Variants in MAP3K5 observed in about 807,000 individuals in gnomAD.
MAP3K5 encodes ASK-1.
A neutral mutation model predicts 158.7 loss-of-function variants in MAP3K5; 56 were observed. The observed-to-expected ratio is 0.35, with a 90% CI of 0.28 to 0.44. MAP3K5 has a LOEUF of 0.44. Ranked by LOEUF, MAP3K5 falls within the 20% of genes least tolerant of loss-of-function variation. The probability of loss-of-function intolerance (pLI) is 1.00; values close to 1 mark genes in which losing one functional copy is unlikely to be tolerated. For missense variants in MAP3K5, 1,294 were observed against 1,674.8 expected, an observed-to-expected ratio of 0.77 and a Z score of 3.97; for synonymous variants, 579 against 601.7, an observed-to-expected ratio of 0.96 and a Z score of 0.55.
intron 25 of MAP3K5, 46 bp downstream of exon 25, chr6:136,580,255 A>C: frequency 7.9e-7 from 1 of 1,259,476 alleles, no homozygotes; most frequent in Non-Finnish European, 1.2e-6. Flanking sequence ...AGTAATCTAA[A>C]ATATCCAAGC....
intron 18 of MAP3K5, among the ~76,000 whole-genome samples, chr6:136,606,471 C>T (rs1365170078): frequency 6.6e-6 from 1 of 152,136 alleles, no homozygotes; most frequent in Non-Finnish European, 1.5e-5. Context: ...GCCACGAGCC[C>T]TTAGTCTGCT....
intron 12 of MAP3K5, 109 bp from the exon 13 acceptor site, chr6:136,639,747 T>G: frequency 1.7e-6 from 1 of 605,278 alleles, no homozygotes; most frequent in Non-Finnish European, 2.9e-6. Context: ...TCAATGTTGT[T>G]TATAACAAGA....
chr6:136,689,273 C>T (rs1370176410), intron 7 of MAP3K5, among the ~76,000 whole-genome samples: 1 of 152,136 alleles, frequency 6.6e-6, no homozygotes, highest in African/African-American at 2.4e-5. Context: ...GTACTCCAGC[C>T]TAGACAACAG....
At chr6:136,754,044 C>A (rs1381622064) in intron 1 of MAP3K5, among the ~76,000 whole-genome samples, 1 of 149,144 alleles carries the variant, frequency 6.7e-6, no homozygotes, top group Non-Finnish European at 1.5e-5. Context: ...GAGGCTGACA[C>A]AGAGAATCGC....
At chr6:136,732,062 C>G (rs931182621) in intron 1 of MAP3K5, among the ~76,000 whole-genome samples, 3 of 152,092 alleles carry the variant, frequency 2.0e-5, no homozygotes, top group African/African-American at 7.2e-5. Flanking sequence ...TCAGATGAGA[C>G]AGATGGGTTG....
At chr6:136,567,940 A>G in intron 25 of MAP3K5, 66 bp from the exon 26 acceptor site, 1 of 1,525,912 alleles carries the variant, frequency 6.6e-7, no homozygotes, top group South Asian at 1.2e-5. Flanking sequence ...TTCTTAAGAT[A>G]TGAATGCTAC....
Position 136,656,226 on chromosome 6 carries a change from C to A in MAP3K5, c.1680+81G>T, listed in dbSNP as rs184750004. ...GCAGTTTTAAGGCACCAAAAATCAG[C>A]CCCCAAGCACTGATACAATCACAGT... On this transcript the variant is annotated intron_variant, in intron 10 of 29. Coordinates refer to ENST00000359015, the MANE Select transcript of MAP3K5 (RefSeq NM_005923.4). 86 of 1,265,018 alleles carry A rather than the reference C, an allele frequency of 6.8e-5. No homozygotes were observed. In the East Asian group the frequency reaches 1.9e-3, roughly 28 times the overall value. 78.4% of individuals were successfully genotyped at this position (1,265,018 alleles called of 1,614,324 possible).
chr6:136,613,345 A>G lies in MAP3K5; in HGVS notation c.2279-89T>C. On this transcript the variant is annotated intron_variant, in intron 16 of 29. Coordinates refer to ENST00000359015, the MANE Select transcript of MAP3K5 (RefSeq NM_005923.4). This position sits in a 1 kb window ranked among gnomAD's most constrained non-coding sequence, Gnocchi z 4.0. ...TAATGTAACAGTAATTTAAGCTAAC[A>G]GTCATTGGTTCTTCACAGTGGCCCA... 6 of 1,210,358 alleles carry G rather than the reference A, an allele frequency of 5.0e-6. No homozygotes were observed. The highest frequency in any genetic ancestry group is 6.8e-6 in the Non-Finnish European group (6 of 880,964). 75.0% of individuals were successfully genotyped at this position (1,210,358 alleles called of 1,614,324 possible). A position where few individuals can be genotyped will look rare whatever the true frequency, so the allele number is the denominator to read the frequency against.
intron 1 of MAP3K5, among the ~76,000 whole-genome samples, chr6:136,761,981 A>G (rs1783779446): frequency 6.6e-6 from 1 of 152,258 alleles, no homozygotes; most frequent in African/African-American, 2.4e-5. Context: ...AATCCTGCCG[A>G]AAATTAAAAT....
At chr6:136,701,154 C>G (rs181232245) in intron 3 of MAP3K5, among the ~76,000 whole-genome samples, 42 of 152,298 alleles carry the variant, frequency 2.8e-4, no homozygotes, top group Admixed American at 2.6e-3. Flanking sequence ...GACTCTTTCT[C>G]TAGATGGCAT....
intron 2 of MAP3K5, among the ~76,000 whole-genome samples, chr6:136,707,266 G>A (rs1562631806): frequency 2.0e-5 from 3 of 152,190 alleles, no homozygotes; most frequent in Admixed American, 6.5e-5. Context: ...GTGTGTATAC[G>A]CACAATTGCT....
At chr6:136,683,369 T>C (rs575947824) in intron 7 of MAP3K5, among the ~76,000 whole-genome samples, 161 of 152,342 alleles carry the variant, frequency 1.1e-3, no homozygotes, top group African/African-American at 3.4e-3. Flanking sequence ...TCGACACTGG[T>C]GCAGCTAATC....
intron 3 of MAP3K5, among the ~76,000 whole-genome samples, chr6:136,702,682 T>C (rs1475886792): frequency 6.6e-6 from 1 of 152,174 alleles, no homozygotes; most frequent in Non-Finnish European, 1.5e-5. Context: ...TCTAGTCTTG[T>C]TCTAATTCAT....
chr6:136,601,137 C>A, intron 20 of MAP3K5, 95 bp from the exon 21 acceptor site: 1 of 1,158,660 alleles, frequency 8.6e-7, no homozygotes, highest in South Asian at 1.3e-5. Context: ...GAAATGGGGT[C>A]AATGTCCTTT....
chr6:136,579,055 T>C (rs1409886667), intron 25 of MAP3K5, among the ~76,000 whole-genome samples: 1 of 152,000 alleles, frequency 6.6e-6, no homozygotes, highest in Admixed American at 6.6e-5. Context: ...ATATTGATCT[T>C]ATCCTTTTAA....
chr6:136,559,682 C>G (rs1178812295), intron 28 of MAP3K5, among the ~76,000 whole-genome samples: 1 of 152,042 alleles, frequency 6.6e-6, no homozygotes, highest in South Asian at 2.1e-4. Context: ...TAAACTGCAC[C>G]TTTATATTTT....
intron 3 of MAP3K5, among the ~76,000 whole-genome samples, chr6:136,700,094 A>C (rs1690554256): frequency 6.6e-6 from 1 of 152,104 alleles, no homozygotes; most frequent in South Asian, 2.1e-4. Flanking sequence ...GAATGAACAA[A>C]TGAAAGAAGG....
intron 1 of MAP3K5, among the ~76,000 whole-genome samples, chr6:136,788,639 T>C (rs924340178): frequency 1.3e-5 from 2 of 152,110 alleles, no homozygotes; most frequent in African/African-American, 4.8e-5. Context: ...GCCAACAAAC[T>C]TATGAAAAAA....
Position 136,696,565 on chromosome 6 carries a change from A to C in MAP3K5, c.976-508T>G, listed in dbSNP as rs547164299. ...TCTGTCTTGAGCACATGAAGCCTTTACACAGACCTGAAAGGCTAGGAATGG... is the reference window on the plus strand; with the variant it reads ...TCTGTCTTGAGCACATGAAGCCTTTCCACAGACCTGAAAGGCTAGGAATGG... On this transcript the variant is annotated intron_variant, in intron 5 of 29. Coordinates refer to ENST00000359015, the MANE Select transcript of MAP3K5 (RefSeq NM_005923.4). Among the ~76,000 whole-genome samples the C allele has an allele frequency of 2.0e-5, 3 of 152,328 alleles. No individual in the cohort carries two copies. In the East Asian group the frequency reaches 5.8e-4, roughly 29 times the overall value.
Sources: gnomAD v4.1 joint callset for allele counts (sites outside exome capture counted in the v4.1 genomes callset) on GRCh38, gnomAD v4.1.1 for gene constraint, Gnocchi (gnomAD v3.1) non-coding constraint, MANE v1.5 for transcripts, NCBI Gene and HGNC (gene_info 2026-07-23, HGNC 2026-07-21) for gene names.